The following TMEM178B variants were observed in gnomAD, a reference collection of about 807,000 sequenced individuals.
The protein encoded by TMEM178B is transmembrane protein 178B.
Under a neutral mutation model 31.0 loss-of-function variants are expected in TMEM178B, and 5 were observed. That is an observed-to-expected ratio of 0.16 (90% CI 0.08 to 0.34). TMEM178B has a LOEUF of 0.34. TMEM178B is among the 10% of genes least tolerant of loss of function. The probability of loss-of-function intolerance (pLI) is 1.00; values close to 1 mark genes in which losing one functional copy is unlikely to be tolerated. For missense variants in TMEM178B, 275 were observed against 400.3 expected (o/e 0.69, Z 2.67); for synonymous variants, 164 against 164.0 (o/e 1.00, Z 0.00).
chr7:141,134,590 A>G (rs1334059120), intron 1 of TMEM178B, among the ~76,000 whole-genome samples: 2 of 152,212 alleles, frequency 1.3e-5, no homozygotes, highest in Non-Finnish European at 2.9e-5. Context: ...CCAAACTGCA[A>G]TGATAAACAT....
chr7:141,179,243 G>A (rs1051789791), intron 1 of TMEM178B, among the ~76,000 whole-genome samples: 41 of 152,182 alleles, frequency 2.7e-4, no homozygotes, highest in African/African-American at 9.9e-4. Context: ...TTAGTTTTCT[G>A]GATAAAGGGC....
At chr7:141,481,726 AGAACTT>A (rs1563194620), downstream of TMEM178B, among the ~76,000 whole-genome samples, 1 of 152,178 alleles carries the variant, frequency 6.6e-6, no homozygotes, top group African/African-American at 2.4e-5. Context: ...CAAGTGGAAA[AGAACTT>A]GAAGAAATGG....
In TMEM178B at chr7:141,476,533, A is replaced by G. The variant is rs771601289; in HGVS notation, c.*5747A>G. On this transcript the variant is annotated 3_prime_UTR_variant, in exon 4 of 4. Transcript: ENST00000565468. ...AATCAGATTCTGAAAGGTTTCAATG[A>G]TCTTTCAAGTTTAGGATGAGACCAA... The G allele has an allele frequency of 2.0e-5, 3 of 152,158 alleles. No individual in the cohort carries two copies. The highest frequency in any genetic ancestry group is 4.4e-5 in the Non-Finnish European group (3 of 68,024). 9.4% of individuals were successfully genotyped at this position (152,158 alleles called of 1,614,324 possible). A position where few individuals can be genotyped will look rare whatever the true frequency, so the allele number is the denominator to read the frequency against.
intron 1 of TMEM178B, among the ~76,000 whole-genome samples, chr7:141,154,814 C>T (rs1277697507): frequency 1.3e-5 from 2 of 151,768 alleles, no homozygotes; most frequent in African/African-American, 2.4e-5. Context: ...ACTGCAACCT[C>T]CACTCCCCAG....
At chr7:141,122,919 G>A (rs1056757400) in intron 1 of TMEM178B, among the ~76,000 whole-genome samples, 7 of 152,310 alleles carry the variant, frequency 4.6e-5, no homozygotes, top group Middle Eastern at 3.4e-3. Context: ...GGCGGATCAA[G>A]GCTACTGGTC....
chr7:141,142,291 T>C (rs1795783714), intron 1 of TMEM178B, among the ~76,000 whole-genome samples: 1 of 152,236 alleles, frequency 6.6e-6, no homozygotes, highest in Non-Finnish European at 1.5e-5. Flanking sequence ...CTTCATCCAA[T>C]CCACTGCTGT....
chr7:141,314,778 G>A (rs1798973079), intron 2 of TMEM178B, among the ~76,000 whole-genome samples: 2 of 151,956 alleles, frequency 1.3e-5, no homozygotes, highest in South Asian at 4.2e-4. Flanking sequence ...TGCTTACTCT[G>A]TCCTTCATTG....
chr7:141,103,853 T>C (rs1795097760), intron 1 of TMEM178B, among the ~76,000 whole-genome samples: 1 of 152,226 alleles, frequency 6.6e-6, no homozygotes, highest in Non-Finnish European at 1.5e-5. Flanking sequence ...GGTGGAATTA[T>C]GGATTTTCCC....
In TMEM178B at chr7:141,395,112, A is replaced by C. The variant is rs531362639; in HGVS notation, c.497-42496A>C. Among the ~76,000 whole-genome samples, 4 of 152,278 alleles carry C rather than the reference A, an allele frequency of 2.6e-5. No individual in the cohort carries two copies. The East Asian group carries it at 7.7e-4, about 29-fold the overall frequency. On this transcript the variant is annotated intron_variant, in intron 2 of 3. Coordinates refer to ENST00000565468, the MANE Select transcript of TMEM178B (RefSeq NM_001195278.2). ...AGTCCTCCACTGCTGACCCCTGGAC[A>C]CCTACTTGTTTTTATCTAATCATCC...
At chr7:141,126,856 AGTGTGT>A (rs10600930) in intron 1 of TMEM178B, among the ~76,000 whole-genome samples, 21,391 of 145,586 alleles carry the variant, frequency 0.15, 1,497 homozygotes, top group South Asian at 0.22. Flanking sequence ...ATCTTCTCAA[AGTGTGT>A]GTGTGTGTGT....
intron 2 of TMEM178B, among the ~76,000 whole-genome samples, chr7:141,324,695 T>G (rs2116480035): frequency 6.6e-6 from 1 of 152,180 alleles, no homozygotes; most frequent in South Asian, 2.1e-4. Flanking sequence ...CATCATATTT[T>G]TAATCAGAGC....
At chr7:141,437,492 T>A in intron 2 of TMEM178B, 116 bp from the exon 3 acceptor site, 9 of 1,356,346 alleles carry the variant, frequency 6.6e-6, no homozygotes, top group Non-Finnish European at 8.9e-6. Flanking sequence ...AAGGGCAGGT[T>A]GCCTTCCTGC....
chr7:141,257,700 A>G (rs1332468499), intron 2 of TMEM178B, among the ~76,000 whole-genome samples: 1 of 152,154 alleles, frequency 6.6e-6, no homozygotes, highest in African/African-American at 2.4e-5. Context: ...GCTAGGCAAG[A>G]AGCTCTACGG....
chr7:141,259,026 G>A lies in TMEM178B; in HGVS notation c.496+46322G>A, dbSNP rs111685476. On this transcript the variant is annotated intron_variant, in intron 2 of 3. Transcript: ENST00000565468. ...TTTTCATCAAATTTGGAAAGTTTTT[G>A]GCCACTAGTTCTTCAAATATACTTT... Among the ~76,000 whole-genome samples, 64 of 152,148 alleles carry A rather than the reference G, an allele frequency of 4.2e-4. 1 individual carries two copies. Among genetic ancestry groups the A allele is most frequent in the African/African-American group, 1.4e-3 (59 of 41,508 alleles).
intron 2 of TMEM178B, among the ~76,000 whole-genome samples, chr7:141,229,270 C>T (rs1049638151): frequency 8.6e-5 from 13 of 151,962 alleles, no homozygotes; most frequent in East Asian, 5.8e-4. Context: ...GTCAGGGAGA[C>T]GGAAACCTAA....
intron 2 of TMEM178B, among the ~76,000 whole-genome samples, chr7:141,329,200 A>G (rs73737790): frequency 0.094 from 14,316 of 152,176 alleles, 1,453 homozygotes; most frequent in African/African-American, 0.26. Flanking sequence ...AGATACCATG[A>G]AGTTTTGTTA....
the TMEM178B span, among the ~76,000 whole-genome samples, chr7:141,500,492 G>T: frequency 1.3e-5 from 2 of 152,150 alleles, no homozygotes; most frequent in Non-Finnish European, 2.9e-5. Flanking sequence ...TCTTCTCAAA[G>T]ATCCCTTTAA....
intron 2 of TMEM178B, among the ~76,000 whole-genome samples, chr7:141,225,653 T>C (rs1797330203): frequency 6.6e-6 from 1 of 152,222 alleles, no homozygotes; most frequent in Non-Finnish European, 1.5e-5. Context: ...CCAGTCAGTT[T>C]TGCCTCTGAA....
chr7:141,103,568 G>T (rs962318922), intron 1 of TMEM178B, among the ~76,000 whole-genome samples: 2 of 151,896 alleles, frequency 1.3e-5, no homozygotes, highest in African/African-American at 4.8e-5. Context: ...TCTCATTTCT[G>T]TCACCCTGCC....
Sources: allele counts gnomAD v4.1 joint callset (sites outside exome capture counted in the v4.1 genomes callset), GRCh38; gene constraint gnomAD v4.1.1; transcripts MANE v1.5; gene names NCBI Gene and HGNC (gene_info 2026-07-23, HGNC 2026-07-21).